The following CAST variants were observed in gnomAD, a reference collection of about 807,000 sequenced individuals.
CAST encodes calpastatin, also known as MIR583 host.
Under a neutral mutation model 119.6 loss-of-function variants are expected in CAST, and 76 were observed. The ratio of observed to expected loss-of-function variants is 0.64; its 90% CI spans 0.53 to 0.77. CAST has a LOEUF of 0.77. CAST is among the 30% of genes least tolerant of loss of function. The probability of loss-of-function intolerance (pLI) is 0.00; values close to 1 mark genes in which losing one functional copy is unlikely to be tolerated. For missense variants in CAST, 953 were observed against 946.5 expected, an observed-to-expected ratio of 1.01 and a Z score of -0.09; for synonymous variants, 319 against 331.6, an observed-to-expected ratio of 0.96 and a Z score of 0.41.
chr5:96,168,114 C>T, the CAST span, among the ~76,000 whole-genome samples: 1 of 152,030 alleles, frequency 6.6e-6, no homozygotes, highest in South Asian at 2.1e-4. Flanking sequence ...GAACCATTTG[C>T]CTTGTGTGAG....
At chr5:96,488,845 G>A in the CAST span, among the ~76,000 whole-genome samples, 1 of 152,202 alleles carries the variant, frequency 6.6e-6, no homozygotes, top group Non-Finnish European at 1.5e-5. Context: ...CATTTGGGGA[G>A]AAATAAGAAC....
chr5:96,672,753 A>T (rs1750266525), intron 1 of CAST, among the ~76,000 whole-genome samples: 1 of 151,140 alleles, frequency 6.6e-6, no homozygotes, highest in South Asian at 2.1e-4. Context: ...GTAATTCATG[A>T]AGTTCTAAAA....
chr5:96,393,506 C>A, the CAST span: 14 of 1,110,110 alleles, frequency 1.3e-5, no homozygotes, highest in Non-Finnish European at 1.3e-5. Context: ...GGAGAGAGTT[C>A]AAGACTGGGA....
At chr5:96,537,715 CT>C (rs1383919551) in intron 1 of CAST, among the ~76,000 whole-genome samples, 2 of 152,140 alleles carry the variant, frequency 1.3e-5, no homozygotes, top group African/African-American at 4.8e-5. Context: ...CTTTCTCTTC[CT>C]TTGTTTTAGA....
chr5:96,316,516 G>A, the CAST span, among the ~76,000 whole-genome samples: 2 of 152,320 alleles, frequency 1.3e-5, no homozygotes, highest in Middle Eastern at 6.8e-3. Context: ...GTTACCATGG[G>A]AAGCACGGCA....
At chr5:96,441,399 G>A in the CAST span, among the ~76,000 whole-genome samples, 16 of 152,090 alleles carry the variant, frequency 1.1e-4, no homozygotes, top group African/African-American at 3.6e-4. Flanking sequence ...CGTTGAGAGA[G>A]CCAGAGCAAG....
chr5:96,588,170 A>G (rs1746891012), intron 1 of CAST, among the ~76,000 whole-genome samples: 1 of 123,408 alleles, frequency 8.1e-6, no homozygotes, highest in African/African-American at 3.2e-5. Context: ...TTAAATTCAT[A>G]TATTATTTTC....
chr5:96,405,545 C>A, the CAST span, among the ~76,000 whole-genome samples: 1 of 152,126 alleles, frequency 6.6e-6, no homozygotes, highest in Non-Finnish European at 1.5e-5. Context: ...GTGGCACATG[C>A]CTGTAATCCC....
chr5:96,008,668 G>A, the CAST span, among the ~76,000 whole-genome samples: 6 of 152,136 alleles, frequency 3.9e-5, no homozygotes, highest in African/African-American at 1.4e-4. Context: ...ATGCCGACTG[G>A]TTCTGAAATA....
At chr5:96,039,785 A>G in the CAST span, among the ~76,000 whole-genome samples, 45 of 152,278 alleles carry the variant, frequency 3.0e-4, no homozygotes, top group Middle Eastern at 3.4e-3. Flanking sequence ...GTCTTGTAGT[A>G]TAGTTTGAAG....
chr5:96,466,699 C>T, the CAST span, among the ~76,000 whole-genome samples: 1 of 152,028 alleles, frequency 6.6e-6, no homozygotes, highest in East Asian at 1.9e-4. Flanking sequence ...AAATATCTTC[C>T]TCATTAATTG....
At chr5:96,025,902 C>T in the CAST span, among the ~76,000 whole-genome samples, 1 of 152,194 alleles carries the variant, frequency 6.6e-6, no homozygotes, top group African/African-American at 2.4e-5. Flanking sequence ...AGTTTTATAA[C>T]ATGTGAGAGT....
At chr5:96,070,053 C>T in the CAST span, among the ~76,000 whole-genome samples, 1 of 152,106 alleles carries the variant, frequency 6.6e-6, no homozygotes, top group East Asian at 1.9e-4. Flanking sequence ...AGACATAATT[C>T]TCTCTTCCTT....
chr5:96,745,582 C>T (rs1162983384), intron 16 of CAST, among the ~76,000 whole-genome samples: 1 of 152,152 alleles, frequency 6.6e-6, no homozygotes, highest in Non-Finnish European at 1.5e-5. Context: ...TAAATCCACA[C>T]CTTTATATAG....
At chr5:96,375,474 T>TTA in the CAST span, among the ~76,000 whole-genome samples, 1 of 151,762 alleles carries the variant, frequency 6.6e-6, no homozygotes, top group African/African-American at 2.4e-5. Flanking sequence ...TCTTATGAGT[T>TTA]TACTACACAA....
the CAST span, among the ~76,000 whole-genome samples, chr5:96,475,411 A>C: frequency 2.0e-5 from 3 of 152,218 alleles, no homozygotes; most frequent in African/African-American, 7.2e-5. Flanking sequence ...AAGAGACATA[A>C]ATAATGACAA....
At chr5:96,449,169 G>A in the CAST span, among the ~76,000 whole-genome samples, 1 of 152,160 alleles carries the variant, frequency 6.6e-6, no homozygotes. Context: ...CACCAATGCA[G>A]TCTTGCCATC....
At chr5:96,408,118 T>C in the CAST span, 12 of 774,798 alleles carry the variant, frequency 1.5e-5, no homozygotes, top group Admixed American at 8.0e-5. Context: ...TTATTTGCAG[T>C]ATTCCAAAAT....
intron 2 of CAST, 115 bp from the exon 3 acceptor site, chr5:96,695,721 C>T: frequency 1.6e-6 from 1 of 607,496 alleles, no homozygotes; most frequent in South Asian, 2.2e-5. Flanking sequence ...GGGTGTGTTT[C>T]AAATATTAGT....
Sources: gnomAD v4.1 joint callset for allele counts (sites outside exome capture counted in the v4.1 genomes callset) on GRCh38, gnomAD v4.1.1 for gene constraint, MANE v1.5 for transcripts, NCBI Gene and HGNC (gene_info 2026-07-23, HGNC 2026-07-21) for gene names.